EPB41L4A: variants seen among roughly 807,000 people sequenced by gnomAD.
EPB41L4A encodes erythrocyte membrane protein band 4.1 like 4A.
Under a neutral mutation model 108.6 loss-of-function variants are expected in EPB41L4A, and 100 were observed. The observed-to-expected ratio is 0.92, with a 90% CI of 0.78 to 1.09. EPB41L4A has a LOEUF of 1.09. Ranked by LOEUF, EPB41L4A falls within the 50% of genes least tolerant of loss-of-function variation. EPB41L4A has a pLI of 0.00. For missense variants in EPB41L4A, 1,030 were observed against 842.7 expected (o/e 1.22, Z -2.75); for synonymous variants, 319 against 289.0 (o/e 1.10, Z -1.05).
At chr5:112,365,811 A>G (rs1759088094) in intron 1 of EPB41L4A, among the ~76,000 whole-genome samples, 2 of 152,218 alleles carry the variant, frequency 1.3e-5, no homozygotes, top group Non-Finnish European at 2.9e-5. Context: ...TTTGAGAAGT[A>G]CTGGATTGAG....
chr5:112,180,257 A>C lies in EPB41L4A; in HGVS notation c.1622+3759T>G, dbSNP rs1472946030. Among the ~76,000 whole-genome samples the C allele has an allele frequency of 5.3e-5, 8 of 152,316 alleles. No homozygotes were observed. The East Asian group carries it at 1.5e-3, about 29-fold the overall frequency. The stretch of plus-strand genomic sequence containing the variant: ...CACAGAAATGCAAAGGTCCTAATAA[A>C]ATAGCTAAAACAATCTTGCATAAAG... On this transcript the variant is annotated intron_variant, in intron 18 of 22. Coordinates refer to ENST00000261486, the MANE Select transcript of EPB41L4A (RefSeq NM_022140.5).
chr5:112,274,969 AT>A (rs1369740525), intron 4 of EPB41L4A, among the ~76,000 whole-genome samples: 1 of 152,244 alleles, frequency 6.6e-6, no homozygotes, highest in Non-Finnish European at 1.5e-5. Flanking sequence ...GCAAATGTAT[AT>A]TTAGAAGTAC....
intron 18 of EPB41L4A, among the ~76,000 whole-genome samples, chr5:112,176,423 G>A (rs531375497): frequency 6.6e-6 from 1 of 152,058 alleles, no homozygotes; most frequent in Non-Finnish European, 1.5e-5. Context: ...CTGCCTACTT[G>A]GCATCTCAAA....
intron 13 of EPB41L4A, among the ~76,000 whole-genome samples, chr5:112,208,508 T>C (rs1762577814): frequency 1.3e-5 from 2 of 152,112 alleles, no homozygotes; most frequent in South Asian, 4.1e-4. Flanking sequence ...TTCTCACTTA[T>C]AAGTGGGAAC....
At chr5:112,409,829 T>G (rs181377177) in intron 1 of EPB41L4A, among the ~76,000 whole-genome samples, 3 of 152,114 alleles carry the variant, frequency 2.0e-5, no homozygotes, top group African/African-American at 7.2e-5. Flanking sequence ...CTTACCCTTA[T>G]TACTGATGAG....
At chr5:112,267,648 GGTCA>G (rs551340970) in intron 4 of EPB41L4A, among the ~76,000 whole-genome samples, 242 of 151,784 alleles carry the variant, frequency 1.6e-3, no homozygotes, top group African/African-American at 5.5e-3. Flanking sequence ...CCCTACACCA[GGTCA>G]CTCTCTCCTA....
At chr5:112,201,579 A>C (rs745622059) in intron 15 of EPB41L4A, among the ~76,000 whole-genome samples, 2 of 152,240 alleles carry the variant, frequency 1.3e-5, no homozygotes, top group African/African-American at 2.4e-5. Flanking sequence ...GTGCTGACAA[A>C]TTGCACTAAT....
At chr5:112,368,177 A>G (rs76332284) in intron 1 of EPB41L4A, among the ~76,000 whole-genome samples, 1,969 of 152,318 alleles carry the variant, frequency 0.013, 53 homozygotes, top group African/African-American at 0.044. Flanking sequence ...ATCTTTAAAG[A>G]TATGGGAAGT....
At chr5:112,375,197 G>A (rs114139244) in intron 1 of EPB41L4A, among the ~76,000 whole-genome samples, 53 of 152,208 alleles carry the variant, frequency 3.5e-4, no homozygotes, top group Middle Eastern at 3.4e-3. Flanking sequence ...GTCCCAGAGT[G>A]AGCCCAGAGT....
chr5:112,326,722 G>A (rs1230874890), intron 1 of EPB41L4A, among the ~76,000 whole-genome samples: 1 of 152,098 alleles, frequency 6.6e-6, no homozygotes, highest in East Asian at 1.9e-4. Context: ...ACTGTCTTCT[G>A]TTTTCATTAC....
chr5:112,190,876 A>C (rs1002774666), intron 17 of EPB41L4A, among the ~76,000 whole-genome samples: 3 of 139,036 alleles, frequency 2.2e-5, no homozygotes, highest in Non-Finnish European at 4.7e-5. Context: ...AATTCAAAGG[A>C]AACAGAAGAA....
chr5:112,182,048 G>C (rs995853052), intron 18 of EPB41L4A, among the ~76,000 whole-genome samples: 1 of 151,928 alleles, frequency 6.6e-6, no homozygotes, highest in African/African-American at 2.4e-5. Flanking sequence ...ACTCCAGCCT[G>C]GGTGACAGAG....
intron 18 of EPB41L4A, among the ~76,000 whole-genome samples, chr5:112,180,657 T>TAAA (rs34598344): frequency 4.1e-5 from 5 of 123,424 alleles, no homozygotes; most frequent in South Asian, 5.4e-4. Flanking sequence ...CCCTTAAGAT[T>TAAA]AAAAAAAAAA....
chr5:112,384,016 A>T (rs887264385), intron 1 of EPB41L4A, among the ~76,000 whole-genome samples: 3 of 152,236 alleles, frequency 2.0e-5, no homozygotes, highest in Non-Finnish European at 4.4e-5. Flanking sequence ...ATCACAAAAG[A>T]CAACATATTA....
intron 1 of EPB41L4A, among the ~76,000 whole-genome samples, chr5:112,314,765 C>T (rs1755322309): frequency 1.3e-5 from 2 of 151,384 alleles, no homozygotes; most frequent in Non-Finnish European, 2.9e-5. Context: ...TGCACTCCAG[C>T]CTGGGTGACG....
chr5:112,144,809 T>C (rs1759189061), intron 13 of EPB41L4A, among the ~76,000 whole-genome samples: 1 of 152,156 alleles, frequency 6.6e-6, no homozygotes, highest in East Asian at 1.9e-4. Context: ...ATGTGTGACA[T>C]AAATGTCACA....
At chr5:112,251,139 T>G (rs1329416643) in intron 9 of EPB41L4A, among the ~76,000 whole-genome samples, 2 of 152,036 alleles carry the variant, frequency 1.3e-5, no homozygotes. Flanking sequence ...GTTGGGAAAA[T>G]ATTAAATCTA....
intron 2 of EPB41L4A, among the ~76,000 whole-genome samples, chr5:112,297,443 G>A (rs920831533): frequency 6.6e-5 from 10 of 151,902 alleles, no homozygotes; most frequent in Non-Finnish European, 1.5e-5. Context: ...ATCTTCTTTC[G>A]AGAATTGTCC....
intron 1 of EPB41L4A, among the ~76,000 whole-genome samples, chr5:112,401,954 T>C (rs866278502): frequency 1.1e-4 from 16 of 152,212 alleles, no homozygotes; most frequent in African/African-American, 3.6e-4. Flanking sequence ...GTGCATTTTG[T>C]TGTCACTCTG....
Sources: gnomAD v4.1 joint callset for allele counts (sites outside exome capture counted in the v4.1 genomes callset) on GRCh38, gnomAD v4.1.1 for gene constraint, MANE v1.5 for transcripts, NCBI Gene and HGNC (gene_info 2026-07-23, HGNC 2026-07-21) for gene names.